Variants in DISP1 observed in about 807,000 individuals in gnomAD.
DISP1 encodes the protein protein dispatched homolog 1.
DISP1 carries 30 observed loss-of-function variants against 37.3 expected under a neutral mutation model. That is an observed-to-expected ratio of 0.80 (90% CI 0.60 to 1.09). The LOEUF (loss-of-function observed/expected upper bound fraction) is 1.09. DISP1 is among the 50% of genes least tolerant of loss of function. DISP1 has a pLI of 0.00. For missense variants in DISP1, 1,598 were observed against 1,879.5 expected (o/e 0.85, Z 2.77); for synonymous variants, 634 against 690.2 (o/e 0.92, Z 1.28).
chr1:222,877,266 G>T (rs180832546), intron 1 of DISP1, among the ~76,000 whole-genome samples: 3 of 152,308 alleles, frequency 2.0e-5, no homozygotes, highest in Admixed American at 2.0e-4. Context: ...AGAAAAATAG[G>T]TTTAATGGAT....
chr1:222,979,257 T>G (rs113401577), intron 3 of DISP1, among the ~76,000 whole-genome samples: 5,277 of 152,062 alleles, frequency 0.035, 318 homozygotes, highest in African/African-American at 0.12. Flanking sequence ...ATAAAAAATC[T>G]AAAAAATTAA....
chr1:222,862,692 T>C (rs1668948653), intron 1 of DISP1, among the ~76,000 whole-genome samples: 1 of 151,998 alleles, frequency 6.6e-6, no homozygotes, highest in Admixed American at 6.6e-5. Context: ...GCCACCACGC[T>C]TGGGTCATTT....
intron 1 of DISP1, among the ~76,000 whole-genome samples, chr1:222,921,818 G>A (rs1672822362): frequency 6.6e-6 from 1 of 152,080 alleles, no homozygotes; most frequent in South Asian, 2.1e-4. Flanking sequence ...TTCTTAAGGG[G>A]TATAAAAATG....
intron 1 of DISP1, among the ~76,000 whole-genome samples, chr1:222,888,307 C>T (rs1413980918): frequency 1.3e-5 from 2 of 152,042 alleles, no homozygotes; most frequent in African/African-American, 4.8e-5. Flanking sequence ...TATAGGCTGG[C>T]TACTTACTGC....
intron 1 of DISP1, among the ~76,000 whole-genome samples, chr1:222,917,000 G>A (rs948297541): frequency 1.3e-5 from 2 of 151,976 alleles, no homozygotes; most frequent in Non-Finnish European, 2.9e-5. Flanking sequence ...CGCCCCAAGC[G>A]CAGTGTTTCT....
intron 2 of DISP1, among the ~76,000 whole-genome samples, chr1:222,937,359 G>A (rs1674025283): frequency 6.6e-6 from 1 of 151,818 alleles, no homozygotes; most frequent in African/African-American, 2.4e-5. Context: ...CAAAGTGCTG[G>A]GATTACAGGC....
intron 8 of DISP1, among the ~76,000 whole-genome samples, chr1:222,995,723 A>G (rs1274087558): frequency 6.6e-6 from 1 of 152,184 alleles, no homozygotes; most frequent in African/African-American, 2.4e-5. Flanking sequence ...TCACTAATGA[A>G]CTTGTCCAAG....
At chr1:222,989,976 G>T (rs1210304490) in intron 4 of DISP1, among the ~76,000 whole-genome samples, 1 of 151,904 alleles carries the variant, frequency 6.6e-6, no homozygotes, top group Non-Finnish European at 1.5e-5. Flanking sequence ...CTAATTTTTT[G>T]TATTTTTAGT....
In DISP1 at chr1:222,857,003, C is replaced by T. The variant is rs550882004; in HGVS notation, c.-159+41925C>T. Among the ~76,000 whole-genome samples the T allele has an allele frequency of 5.9e-5, 9 of 152,206 alleles. No individual in the cohort carries two copies. The South Asian group carries it at 1.9e-3, about 32-fold the overall frequency. On this transcript the variant is annotated intron_variant, in intron 1 of 8. Coordinates refer to ENST00000675850, the MANE Select transcript of DISP1 (RefSeq NM_001377229.1). ...ACAGGTGTGAGCCACTGTGCCCATC[C>T]TCTTATAATTATTATTAGTAATAGA...
intron 1 of DISP1, among the ~76,000 whole-genome samples, chr1:222,887,672 G>A (rs1369966600): frequency 7.3e-6 from 1 of 136,930 alleles, no homozygotes; most frequent in East Asian, 2.0e-4. Context: ...CTAATTTTTT[G>A]TATTTTTAGT....
In DISP1 at chr1:223,005,481, C is replaced by A; in HGVS notation, c.4084C>A (p.His1362Asn). ...PRNFFLHPVQ[H>N]IQAQEKIGKT... ...GAATTTTTTCCTCCACCCAGTGCAGCACATTCAGGCCCAAGAAAAAATTGG... is the reference window on the plus strand; with the variant it reads ...GAATTTTTTCCTCCACCCAGTGCAGAACATTCAGGCCCAAGAAAAAATTGG... The change falls in exon 9 of 9, where the codon CAC (histidine) becomes AAC (asparagine). Residue 1362 changes from histidine to asparagine, a missense_variant. Transcript: ENST00000675850. 6.2e-7 allele frequency: 1 copy of A among 1,613,908 alleles called. No individual in the cohort carries two copies. The highest frequency in any genetic ancestry group is 8.5e-7 in the Non-Finnish European group (1 of 1,180,028).
At chr1:222,945,455 T>A (rs1438763089) in intron 3 of DISP1, among the ~76,000 whole-genome samples, 1 of 152,240 alleles carries the variant, frequency 6.6e-6, no homozygotes, top group Non-Finnish European at 1.5e-5. Flanking sequence ...ATAAGATAGA[T>A]ATTTCTGCAT....
chr1:222,827,532 A>G (rs1437709946), intron 1 of DISP1: 1 of 152,200 alleles, frequency 6.6e-6, no homozygotes. Flanking sequence ...AATAATCTTC[A>G]TGCAACAAGA....
Position 222,910,379 on chromosome 1 carries a change from G to A in DISP1, c.-158-18051G>A, listed in dbSNP as rs567769738. Among the ~76,000 whole-genome samples the A allele has an allele frequency of 3.3e-5, 5 of 152,150 alleles. No homozygotes were observed. The South Asian group carries it at 6.2e-4, about 19-fold the overall frequency. On this transcript the variant is annotated intron_variant, in intron 1 of 8. Coordinates refer to ENST00000675850, the MANE Select transcript of DISP1 (RefSeq NM_001377229.1). ...CCCTGTCTCCAAAAAACAAACAAACGAAAAGGGATGAGGGCAAAATTAAGA... is the reference window on the plus strand; with the variant it reads ...CCCTGTCTCCAAAAAACAAACAAACAAAAAGGGATGAGGGCAAAATTAAGA...
intron 1 of DISP1, among the ~76,000 whole-genome samples, chr1:222,919,497 G>C (rs540195086): frequency 7.6e-4 from 115 of 152,166 alleles, no homozygotes; most frequent in Non-Finnish European, 1.5e-3. Context: ...TGCTGCCTTT[G>C]CTCACTAGAA....
At chr1:222,989,538 G>A (rs748990471) in intron 4 of DISP1, 106 of 985,304 alleles carry the variant, frequency 1.1e-4, no homozygotes, top group Non-Finnish European at 1.1e-4. Flanking sequence ...ACAAATGAGG[G>A]TGTGGGAAGC....
intron 2 of DISP1, among the ~76,000 whole-genome samples, chr1:222,935,039 C>T (rs1243702833): frequency 6.6e-6 from 1 of 152,162 alleles, no homozygotes; most frequent in Non-Finnish European, 1.5e-5. Flanking sequence ...GCATAATTCT[C>T]TTGTAGTCTC....
chr1:222,955,635 G>C (rs559308996), intron 3 of DISP1, among the ~76,000 whole-genome samples: 1 of 152,288 alleles, frequency 6.6e-6, no homozygotes, highest in African/African-American at 2.4e-5. Flanking sequence ...CCATACTTTA[G>C]GGGAAGATGG....
intron 1 of DISP1, chr1:222,836,956 A>C (rs1313995178): frequency 1.3e-5 from 5 of 397,792 alleles, no homozygotes; most frequent in Non-Finnish European, 2.2e-5. Flanking sequence ...AGAGACTGCC[A>C]AATATACTCC....
Sources: gnomAD v4.1 joint callset for allele counts (sites outside exome capture counted in the v4.1 genomes callset) on GRCh38, gnomAD v4.1.1 for gene constraint, MANE v1.5 for transcripts, NCBI Gene and HGNC (gene_info 2026-07-23, HGNC 2026-07-21) for gene names.